CTNNBL1: variants seen among roughly 807,000 people sequenced by gnomAD.
CTNNBL1 encodes catenin beta like 1.
In CTNNBL1, 31 loss-of-function variants were observed where a neutral mutation model predicts 72.7. That is an observed-to-expected ratio of 0.43 (90% CI 0.32 to 0.58). The LOEUF (loss-of-function observed/expected upper bound fraction) is 0.58. Ranked by LOEUF, CTNNBL1 falls within the 20% of genes least tolerant of loss-of-function variation. CTNNBL1 has a pLI of 0.08. For missense variants in CTNNBL1, 534 were observed against 725.1 expected (o/e 0.74, Z 3.03); for synonymous variants, 240 against 267.3 (o/e 0.90, Z 1.00).
chr20:37,700,234 C>T (rs751853890), intron 1 of CTNNBL1, among the ~76,000 whole-genome samples: 7 of 151,962 alleles, frequency 4.6e-5, no homozygotes, highest in Non-Finnish European at 8.8e-5. Context: ...GGAGACTGAG[C>T]GATATGACTT....
At chr20:37,868,612 T>C (rs1031865635) in intron 15 of CTNNBL1, among the ~76,000 whole-genome samples, 1 of 152,176 alleles carries the variant, frequency 6.6e-6, no homozygotes, top group Non-Finnish European at 1.5e-5. Context: ...GATGTGACTG[T>C]TTGCTTCTTA....
At chr20:37,838,318 G>A (rs984200969) in intron 11 of CTNNBL1, among the ~76,000 whole-genome samples, 1 of 152,178 alleles carries the variant, frequency 6.6e-6, no homozygotes. Context: ...CTTACTAGTA[G>A]GCTATTGACT....
At chr20:37,753,242 A>G (rs1227933537) in intron 4 of CTNNBL1, among the ~76,000 whole-genome samples, 2 of 152,112 alleles carry the variant, frequency 1.3e-5, no homozygotes, top group African/African-American at 2.4e-5. Context: ...GATTGATGAG[A>G]TGTTTACCAG....
At chr20:37,727,323 C>A in intron 1 of CTNNBL1, 1 of 984,516 alleles carries the variant, frequency 1.0e-6, no homozygotes, top group Non-Finnish European at 1.2e-6. Flanking sequence ...GAGACACGCA[C>A]ACACACAGGC....
At chr20:37,791,377 T>A (rs1271440890) in intron 10 of CTNNBL1, among the ~76,000 whole-genome samples, 1 of 152,136 alleles carries the variant, frequency 6.6e-6, no homozygotes, top group Non-Finnish European at 1.5e-5. Context: ...TGTGTGAGAG[T>A]TCCAGTTGCT....
At chr20:37,799,283 C>T (rs1475938817) in intron 10 of CTNNBL1, among the ~76,000 whole-genome samples, 2 of 152,166 alleles carry the variant, frequency 1.3e-5, no homozygotes, top group Non-Finnish European at 2.9e-5. Flanking sequence ...CTCATGCCTT[C>T]TCGACATCTA....
At chr20:37,829,905 C>T (rs183423326) in intron 11 of CTNNBL1, among the ~76,000 whole-genome samples, 96 of 152,272 alleles carry the variant, frequency 6.3e-4, no homozygotes, top group African/African-American at 2.1e-3. Flanking sequence ...GATCATGGCT[C>T]ATTGCAGCCT....
intron 3 of CTNNBL1, among the ~76,000 whole-genome samples, chr20:37,746,099 A>G (rs2073259810): frequency 6.6e-6 from 1 of 152,172 alleles, no homozygotes; most frequent in Non-Finnish European, 1.5e-5. Context: ...TTGGATGGGT[A>G]GTAGGATAAC....
At chr20:37,732,084 T>A (rs1036425419) in intron 1 of CTNNBL1, among the ~76,000 whole-genome samples, 1 of 152,250 alleles carries the variant, frequency 6.6e-6, no homozygotes, top group Admixed American at 6.5e-5. Context: ...ATCTTCTGTC[T>A]TTTTCATGAT....
intron 11 of CTNNBL1, among the ~76,000 whole-genome samples, chr20:37,835,708 T>C (rs774233105): frequency 1.3e-5 from 2 of 152,218 alleles, no homozygotes; most frequent in Non-Finnish European, 2.9e-5. Context: ...CATTGCAGCA[T>C]TGCTTCTAAT....
In CTNNBL1 at chr20:37,840,117, T is replaced by A; in HGVS notation, c.1229T>A (p.Ile410Asn). The A allele has an allele frequency of 6.2e-7, 1 of 1,613,824 alleles. No homozygotes were observed. The highest frequency in any genetic ancestry group is 1.3e-5 in the African/African-American group (1 of 75,048). ...CCCAACCCAGAGCATGTCTGTTCGA[T>A]CCTGGCTTCCCTCCTGCGGAACCTG... ...EKEHEEHVCSILASLLRNLRG... is the reference protein window; with the variant it reads ...EKEHEEHVCSNLASLLRNLRG... The change falls in exon 12 of 16, where the codon ATC becomes AAC. Residue 410 changes from isoleucine to asparagine, a missense_variant. Ile to Asn is a moderately radical substitution (Grantham distance 149). Transcript: ENST00000361383.
chr20:37,789,837 A>G (rs1018875927), intron 10 of CTNNBL1, among the ~76,000 whole-genome samples: 2 of 152,246 alleles, frequency 1.3e-5, no homozygotes, highest in Non-Finnish European at 2.9e-5. Context: ...TTTCCTTGAA[A>G]ATGTTGACAT....
chr20:37,760,882 T>C (rs1383209172), intron 5 of CTNNBL1, among the ~76,000 whole-genome samples: 1 of 152,178 alleles, frequency 6.6e-6, no homozygotes, highest in African/African-American at 2.4e-5. Context: ...CAAACATTTT[T>C]TTCAGTTTAA....
intron 11 of CTNNBL1, among the ~76,000 whole-genome samples, chr20:37,804,347 G>A (rs534855608): frequency 3.9e-5 from 6 of 152,240 alleles, no homozygotes; most frequent in South Asian, 2.1e-4. Context: ...TTCCTGGCCC[G>A]GCTGCACTAT....
At chr20:37,762,981 A>G (rs979485994) in intron 5 of CTNNBL1, among the ~76,000 whole-genome samples, 13 of 152,216 alleles carry the variant, frequency 8.5e-5, no homozygotes, top group African/African-American at 3.1e-4. Context: ...TGTCCCCACT[A>G]GCTTCTAGGC....
intron 11 of CTNNBL1, among the ~76,000 whole-genome samples, chr20:37,804,702 G>A (rs1416581056): frequency 6.6e-6 from 1 of 152,224 alleles, no homozygotes; most frequent in Non-Finnish European, 1.5e-5. Flanking sequence ...CATCTTGAGT[G>A]TGCTGGAACA....
At chr20:37,769,556 C>G (rs527494372) in intron 7 of CTNNBL1, among the ~76,000 whole-genome samples, 1 of 152,292 alleles carries the variant, frequency 6.6e-6, no homozygotes, top group Non-Finnish European at 1.5e-5. Flanking sequence ...ATTGTTCATT[C>G]TCTTAGCATA....
intron 11 of CTNNBL1, among the ~76,000 whole-genome samples, chr20:37,816,914 G>A (rs1425093023): frequency 1.3e-5 from 2 of 152,174 alleles, no homozygotes; most frequent in Non-Finnish European, 2.9e-5. Context: ...AGTTAACTGG[G>A]TGATTTTCCT....
chr20:37,699,724 G>A (rs1464996716), intron 1 of CTNNBL1, among the ~76,000 whole-genome samples: 1 of 152,188 alleles, frequency 6.6e-6, no homozygotes, highest in East Asian at 1.9e-4. Context: ...GTTTGATTCA[G>A]TCTCCTGTGG....
Sources: gnomAD v4.1 joint callset for allele counts (sites outside exome capture counted in the v4.1 genomes callset) on GRCh38, gnomAD v4.1.1 for gene constraint, MANE v1.5 for transcripts, NCBI Gene and HGNC (gene_info 2026-07-23, HGNC 2026-07-21) for gene names.